MROH9: variants seen among roughly 807,000 people sequenced by gnomAD.
MROH9 encodes maestro heat like repeat family member 9.
In MROH9, 92 loss-of-function variants were observed where a neutral mutation model predicts 98.2. The ratio of observed to expected loss-of-function variants is 0.94; its 90% CI spans 0.79 to 1.11. The LOEUF is 1.11. Ranked by LOEUF, MROH9 falls within the 50% of genes most tolerant of loss-of-function variation. The pLI is 0.00. For synonymous variants in MROH9, 397 were observed against 368.9 expected (o/e 1.08, Z -0.87); for missense variants, 1,057 against 1,014.8 (o/e 1.04, Z -0.57).
chr1:171,022,388 A>G (rs924329925), intron 17 of MROH9, among the ~76,000 whole-genome samples: 1 of 152,222 alleles, frequency 6.6e-6, no homozygotes, highest in African/African-American at 2.4e-5. Flanking sequence ...AAAATGTGGT[A>G]TATATACACC....
intron 13 of MROH9, 100 bp from the exon 14 acceptor site, chr1:170,996,407 C>A (rs904302386): frequency 7.4e-7 from 1 of 1,357,424 alleles, no homozygotes; most frequent in Non-Finnish European, 1.0e-6. Context: ...TTCTCAAAAC[C>A]TATATTCTGC....
intron 20 of MROH9, among the ~76,000 whole-genome samples, chr1:171,061,856 G>T (rs571714135): frequency 1.4e-4 from 21 of 152,254 alleles, no homozygotes; most frequent in African/African-American, 5.1e-4. Flanking sequence ...CTAGGATGCT[G>T]CTAAAACTCT....
chr1:171,024,361 T>C (rs1313800636), intron 17 of MROH9, 34 bp from the exon 18 acceptor site: 4 of 1,537,892 alleles, frequency 2.6e-6, no homozygotes, highest in Non-Finnish European at 8.8e-7. Context: ...AAAGCCCTAA[T>C]ATTATCCTCA....
intron 3 of MROH9, among the ~76,000 whole-genome samples, chr1:170,955,456 G>A (rs546218856): frequency 1.1e-4 from 16 of 151,998 alleles, no homozygotes; most frequent in Non-Finnish European, 1.8e-4. Context: ...AATGTTCCCT[G>A]ATCACCACAT....
intron 10 of MROH9, among the ~76,000 whole-genome samples, chr1:170,989,335 G>T (rs1024911459): frequency 6.6e-6 from 1 of 152,090 alleles, no homozygotes; most frequent in African/African-American, 2.4e-5. Flanking sequence ...TAAAAAGGGG[G>T]AAAAATGACA....
chr1:170,941,659 C>A (rs1268929940), intron 1 of MROH9, among the ~76,000 whole-genome samples: 2 of 152,244 alleles, frequency 1.3e-5, no homozygotes, highest in East Asian at 3.9e-4. Flanking sequence ...ATCCAATTAT[C>A]CTCATCACAT....
chr1:170,976,376 A>G (rs906746545), intron 8 of MROH9, among the ~76,000 whole-genome samples: 1 of 152,280 alleles, frequency 6.6e-6, no homozygotes, highest in Middle Eastern at 3.4e-3. Context: ...CTTGTCTAAA[A>G]AGGGTCTTAT....
chr1:171,054,203 A>G (rs1653757294), intron 20 of MROH9, among the ~76,000 whole-genome samples: 1 of 152,224 alleles, frequency 6.6e-6, no homozygotes, highest in South Asian at 2.1e-4. Context: ...CCAATGAAGC[A>G]GAATAGAGAA....
intron 15 of MROH9, among the ~76,000 whole-genome samples, chr1:170,999,506 C>A (rs1045919734): frequency 2.8e-4 from 42 of 151,014 alleles, no homozygotes; most frequent in Non-Finnish European, 1.9e-4. Context: ...ATTCCTTTTT[C>A]TAGCTGAGTA....
intron 14 of MROH9, 69 bp downstream of exon 14, chr1:170,996,713 C>T (rs1167589007): frequency 2.7e-6 from 4 of 1,493,016 alleles, no homozygotes; most frequent in Non-Finnish European, 3.7e-6. Context: ...CTTCAATAAG[C>T]CATGCGGGAA....
intron 1 of MROH9, among the ~76,000 whole-genome samples, chr1:170,937,825 T>C (rs968155097): frequency 9.9e-5 from 15 of 152,146 alleles, no homozygotes; most frequent in Middle Eastern, 3.2e-3. Flanking sequence ...GCCCGGCCCA[T>C]AATCAGTATT....
chr1:171,011,806 GTATTA>G (rs1487316221), intron 15 of MROH9, among the ~76,000 whole-genome samples: 1 of 151,548 alleles, frequency 6.6e-6, no homozygotes, highest in African/African-American at 2.4e-5. Flanking sequence ...GTTCTTTTTT[GTATTA>G]TATCAAAAAT....
At chr1:171,053,869 T>C (rs945062289) in intron 20 of MROH9, among the ~76,000 whole-genome samples, 2 of 151,994 alleles carry the variant, frequency 1.3e-5, no homozygotes, top group Admixed American at 6.6e-5. Flanking sequence ...ATATCAGACA[T>C]GGCTAAATGG....
intron 7 of MROH9, among the ~76,000 whole-genome samples, chr1:170,968,194 A>G (rs1402197481): frequency 1.3e-5 from 2 of 152,146 alleles, no homozygotes; most frequent in Non-Finnish European, 2.9e-5. Flanking sequence ...CCAAATAATG[A>G]TAAGGGCTGG....
chr1:170,983,345 A>G, intron 8 of MROH9, 77 bp from the exon 9 acceptor site: 2 of 1,026,470 alleles, frequency 1.9e-6, no homozygotes, highest in Non-Finnish European at 2.9e-6. Flanking sequence ...GCAGGAAAAG[A>G]AAATTGGAAA....
chr1:171,015,125 T>C, intron 16 of MROH9: 1 of 462,706 alleles, frequency 2.2e-6, no homozygotes, highest in Non-Finnish European at 4.5e-6. Flanking sequence ...CATCCAATAA[T>C]AAATCGTTGT....
intron 3 of MROH9, among the ~76,000 whole-genome samples, chr1:170,954,046 A>T (rs1013969163): frequency 3.3e-5 from 5 of 152,218 alleles, no homozygotes; most frequent in African/African-American, 1.2e-4. Context: ...TGATGAAAAC[A>T]TGATGGTGGT....
Position 171,025,228 on chromosome 1 carries a change from C to T in MROH9, c.2179-90C>T. On this transcript the variant is annotated intron_variant, in intron 19 of 21. Coordinates refer to ENST00000367759, the MANE Select transcript of MROH9 (RefSeq NM_001163629.2). ...AAGCATCCCCAATTTCTAATTTGGT[C>T]CTGATTTGGTATGTTGAAGCCTTTC... 4.1e-6 allele frequency: 3 copies of T among 725,824 alleles called. No individual in the cohort carries two copies. In the South Asian group the frequency reaches 5.2e-5, roughly 13 times the overall value. 45.0% of individuals were successfully genotyped at this position (725,824 alleles called of 1,614,324 possible).
intron 9 of MROH9, among the ~76,000 whole-genome samples, chr1:170,983,851 C>T (rs1014176136): frequency 6.6e-6 from 1 of 152,104 alleles, no homozygotes; most frequent in African/African-American, 2.4e-5. Context: ...AGAACTTCTG[C>T]TTATTTAGAA....
Sources: gnomAD v4.1 joint callset for allele counts (sites outside exome capture counted in the v4.1 genomes callset) on GRCh38, gnomAD v4.1.1 for gene constraint, MANE v1.5 for transcripts, NCBI Gene and HGNC (gene_info 2026-07-23, HGNC 2026-07-21) for gene names.